The following MYO5B variants were observed in gnomAD, a reference collection of about 807,000 sequenced individuals.
The protein encoded by MYO5B is myosin VB.
A neutral mutation model predicts 229.3 loss-of-function variants in MYO5B; 143 were observed. The observed-to-expected ratio is 0.62, with a 90% confidence interval of 0.54 to 0.72. The LOEUF is 0.72. MYO5B is among the 30% of genes least tolerant of loss of function. MYO5B has a pLI of 0.00. For missense variants in MYO5B, 2,321 were observed against 2,331.0 expected (o/e 1.00, Z 0.09); for synonymous variants, 918 against 885.2 (o/e 1.04, Z -0.66).
At chr18:49,827,704 T>C (rs1811832603) in intron 39 of MYO5B, among the ~76,000 whole-genome samples, 1 of 151,798 alleles carries the variant, frequency 6.6e-6, no homozygotes, top group Non-Finnish European at 1.5e-5. Context: ...TATACCAACA[T>C]ACACATTACA....
intron 1 of MYO5B, among the ~76,000 whole-genome samples, chr18:50,189,701 C>T (rs1399238832): frequency 6.6e-6 from 1 of 152,168 alleles, no homozygotes; most frequent in Admixed American, 6.5e-5. Context: ...GAAAAAAGAA[C>T]ATCACTCAGA....
intron 1 of MYO5B, among the ~76,000 whole-genome samples, chr18:50,089,786 C>T (rs1297171438): frequency 6.6e-6 from 1 of 152,204 alleles, no homozygotes; most frequent in Non-Finnish European, 1.5e-5. Context: ...TGATACCCAC[C>T]CAACAAGGCG....
chr18:50,185,901 G>A (rs1206108073), intron 1 of MYO5B, among the ~76,000 whole-genome samples: 1 of 152,220 alleles, frequency 6.6e-6, no homozygotes, highest in Non-Finnish European at 1.5e-5. Flanking sequence ...TAGAGTAATA[G>A]ACATGGCATG....
intron 5 of MYO5B, among the ~76,000 whole-genome samples, chr18:49,994,008 T>A (rs1009174658): frequency 6.6e-5 from 10 of 152,106 alleles, no homozygotes; most frequent in African/African-American, 2.4e-4. Flanking sequence ...AGCCCTATGC[T>A]CTCTCTGCCC....
chr18:49,963,125 T>C, intron 10 of MYO5B, 95 bp from the exon 11 acceptor site: 3 of 937,102 alleles, frequency 3.2e-6, no homozygotes, highest in Non-Finnish European at 5.3e-6. Flanking sequence ...TCTCCCCCGA[T>C]GCCACTACAG....
Position 49,877,888 on chromosome 18 carries a change from C to G in MYO5B, c.3277-6G>C. ...CGCCTATGACCTGGAGTTTGCTGTT[C>G]AACAAGAAAAACGTGATAGCTCATT... On this transcript the variant is annotated splice_region_variant and splice_polypyrimidine_tract_variant and intron_variant, in intron 24 of 39. Transcript: ENST00000285039. The G allele has an allele frequency of 1.2e-6, 2 of 1,613,980 alleles. No homozygotes were observed. The highest frequency in any genetic ancestry group is 1.7e-6 in the Non-Finnish European group (2 of 1,179,932).
chr18:50,136,221 C>T (rs1185528436), intron 1 of MYO5B, among the ~76,000 whole-genome samples: 1 of 152,186 alleles, frequency 6.6e-6, no homozygotes, highest in Non-Finnish European at 1.5e-5. Context: ...GAGAAGCCTT[C>T]CTGTGGTCTT....
intron 19 of MYO5B, 62 bp downstream of exon 19, chr18:49,906,357 A>C: frequency 6.6e-7 from 1 of 1,524,290 alleles, no homozygotes; most frequent in East Asian, 2.3e-5. Flanking sequence ...GTAGCTGAGA[A>C]AGGCAGACCC....
chr18:49,986,451 A>G (rs2025871829), intron 7 of MYO5B, among the ~76,000 whole-genome samples: 1 of 152,178 alleles, frequency 6.6e-6, no homozygotes, highest in Non-Finnish European at 1.5e-5. Context: ...GGCACAAATA[A>G]TGAGAACATC....
intron 22 of MYO5B, among the ~76,000 whole-genome samples, chr18:49,884,275 G>C (rs2024619970): frequency 6.6e-6 from 1 of 152,204 alleles, no homozygotes; most frequent in Admixed American, 6.5e-5. Flanking sequence ...AGATCAGTTT[G>C]ATGGAAGACA....
At chr18:50,052,734 T>A (rs554002528) in intron 2 of MYO5B, among the ~76,000 whole-genome samples, 35 of 152,130 alleles carry the variant, frequency 2.3e-4, no homozygotes, top group Admixed American at 6.5e-4. Flanking sequence ...TGGTAAATTT[T>A]ATGCTACATA....
Position 49,926,778 on chromosome 18 carries a change from T to G in MYO5B, c.2090+2734A>C, listed in dbSNP as rs192223897. ...TCTATATTCAAAAGTTAAAGGAGTCTATTGAGGAATGAATGGATAAGCAAA... is the reference window on the plus strand; with the variant it reads ...TCTATATTCAAAAGTTAAAGGAGTCGATTGAGGAATGAATGGATAAGCAAA... On this transcript the variant is annotated intron_variant, in intron 17 of 39. Coordinates refer to ENST00000285039, the MANE Select transcript of MYO5B (RefSeq NM_001080467.3). Among the ~76,000 whole-genome samples the G allele has an allele frequency of 4.3e-4, 66 of 152,332 alleles. 2 individuals are homozygous for G. The highest frequency in any genetic ancestry group is 3.4e-3 in the Admixed American group (52 of 15,308).
intron 1 of MYO5B, among the ~76,000 whole-genome samples, chr18:50,122,047 T>A (rs1486574721): frequency 6.6e-6 from 1 of 152,266 alleles, no homozygotes; most frequent in Admixed American, 6.5e-5. Flanking sequence ...CCAAAGCTGC[T>A]GCTTTGCAGC....
intron 1 of MYO5B, among the ~76,000 whole-genome samples, chr18:50,118,596 CATAT>C (rs1401831764): frequency 6.6e-6 from 1 of 151,008 alleles, no homozygotes; most frequent in Non-Finnish European, 1.5e-5. Context: ...AGGTTTGTTA[CATAT>C]GTATACATGT....
At chr18:49,865,733 TGTGCCTGTGCTGA>T (rs2024388273) in intron 27 of MYO5B, among the ~76,000 whole-genome samples, 1 of 152,216 alleles carries the variant, frequency 6.6e-6, no homozygotes, top group African/African-American at 2.4e-5. Context: ...CTGTTGGCTG[TGTGCCTGTGCTGA>T]CAGCCACGCC....
intron 16 of MYO5B, among the ~76,000 whole-genome samples, chr18:49,933,558 ATT>A (rs2025217481): frequency 1.3e-5 from 2 of 152,222 alleles, no homozygotes; most frequent in Admixed American, 1.3e-4. Context: ...ACTGGAGGCA[ATT>A]TTGTCCCCAA....
At chr18:50,074,676 A>G (rs1476073800) in intron 1 of MYO5B, among the ~76,000 whole-genome samples, 1 of 152,094 alleles carries the variant, frequency 6.6e-6, no homozygotes, top group Non-Finnish European at 1.5e-5. Context: ...TTCCCGACCA[A>G]CTAATGTAAA....
intron 1 of MYO5B, among the ~76,000 whole-genome samples, chr18:50,094,019 A>G (rs2031502009): frequency 6.6e-6 from 1 of 152,026 alleles, no homozygotes; most frequent in Non-Finnish European, 1.5e-5. Flanking sequence ...CGGAGTAACC[A>G]CTCTTAATTC....
At chr18:49,858,252 C>T (rs958515083) in intron 29 of MYO5B, among the ~76,000 whole-genome samples, 4 of 152,216 alleles carry the variant, frequency 2.6e-5, no homozygotes, top group Non-Finnish European at 2.9e-5. Context: ...AGCATCATCC[C>T]GTCTCAGATG....
Sources: gnomAD v4.1 joint callset for allele counts (sites outside exome capture counted in the v4.1 genomes callset) on GRCh38, gnomAD v4.1.1 for gene constraint, MANE v1.5 for transcripts, NCBI Gene and HGNC (gene_info 2026-07-23, HGNC 2026-07-21) for gene names.